The following TG variants were observed in gnomAD, a reference collection of about 807,000 sequenced individuals.
TG encodes the protein thyroid hormones.
In TG, 270 loss-of-function variants were observed where a neutral mutation model predicts 324.7. The ratio of observed to expected loss-of-function variants is 0.83; its 90% confidence interval spans 0.75 to 0.92. The LOEUF is 0.92. Ranked by LOEUF, TG falls within the 40% of genes least tolerant of loss-of-function variation. TG has a pLI of 0.00. For missense variants in TG, 3,591 were observed against 3,456.4 expected (o/e 1.04, Z -0.98); for synonymous variants, 1,401 against 1,327.0 (o/e 1.06, Z -1.21).
chr8:132,972,145 C>G (rs773737279), intron 33 of TG: 3 of 496,700 alleles, frequency 6.0e-6, no homozygotes, highest in Non-Finnish European at 1.1e-5. Context: ...TCTTTCAACA[C>G]TTAGGCCAAG....
At chr8:132,937,433 A>C in intron 25 of TG, among the ~76,000 whole-genome samples, 1 of 152,128 alleles carries the variant, frequency 6.6e-6, no homozygotes. Flanking sequence ...CCCACTTCAC[A>C]AAGAGTTTGC....
chr8:132,984,159 A>G (rs1831241605), intron 35 of TG, among the ~76,000 whole-genome samples: 1 of 152,256 alleles, frequency 6.6e-6, no homozygotes, highest in Non-Finnish European at 1.5e-5. Context: ...CAAGAGGCCA[A>G]GCGATGTTAA....
chr8:133,049,346 A>G (rs189211792), intron 41 of TG: 13 of 335,104 alleles, frequency 3.9e-5, no homozygotes, highest in Admixed American at 2.3e-4. Context: ...TAGAGCTAAT[A>G]TTTATCGAGT....
chr8:132,888,557 A>G lies in TG; in HGVS notation c.2750A>G (p.Lys917Arg). The G allele has an allele frequency of 6.2e-7, 1 of 1,611,302 alleles. No homozygotes were observed. The highest frequency in any genetic ancestry group is 8.5e-7 in the Non-Finnish European group (1 of 1,179,410). Reference sequence around the variant, plus strand: ...GAAGGAATGCGGTCTGAGCCAAGCAAGCTCCCAACATGTGAGCTAACGCAT... The same window carrying G: ...GAAGGAATGCGGTCTGAGCCAAGCAGGCTCCCAACATGTGAGCTAACGCAT... The part of the protein sequence containing the change: ...ELEGMRSEPS[K>R]LPTCPGSCEE... Residue 917 changes from lysine to arginine, a missense_variant, in exon 10 of 48, where the codon AAG becomes AGG. By Grantham distance (26) the Lys-to-Arg change is conservative. Coordinates refer to ENST00000220616, the MANE Select transcript of TG (RefSeq NM_003235.5).
chr8:133,066,316 A>G (rs1843028184), intron 41 of TG, among the ~76,000 whole-genome samples: 1 of 106,484 alleles, frequency 9.4e-6, no homozygotes, highest in Non-Finnish European at 1.8e-5. Context: ...ACAGAGCGAG[A>G]CTCTGTCTCA....
rs147008311 is a variant in TG, at chr8:132,902,770, G to A, written c.3634+1217G>A. On this transcript the variant is annotated intron_variant, in intron 16 of 47. Coordinates refer to ENST00000220616, the MANE Select transcript of TG (RefSeq NM_003235.5). Reference sequence around the variant, plus strand: ...TGCACTGAGACCCAGGACACAGACCGGTGTGGCCTCCTCCAGGAACAGGTC... The same window carrying A: ...TGCACTGAGACCCAGGACACAGACCAGTGTGGCCTCCTCCAGGAACAGGTC... Among the ~76,000 whole-genome samples the A allele has an allele frequency of 1.3e-3, 203 of 152,300 alleles. 1 individual carries two copies. Among genetic ancestry groups the A allele is most frequent in the African/African-American group, 4.4e-3 (182 of 41,572 alleles).
chr8:133,130,573 A>G (rs1851863537), intron 45 of TG, among the ~76,000 whole-genome samples: 1 of 152,088 alleles, frequency 6.6e-6, no homozygotes. Flanking sequence ...CAGCAGGAAA[A>G]CGGGGGCCTG....
intron 8 of TG, among the ~76,000 whole-genome samples, chr8:132,885,835 G>C (rs1416856072): frequency 6.6e-6 from 1 of 152,130 alleles, no homozygotes; most frequent in African/African-American, 2.4e-5. Flanking sequence ...ATTCTTCCTT[G>C]CCCCTTCCTG....
chr8:132,869,873 A>G, intron 3 of TG, 47 bp downstream of exon 3: 1 of 1,562,684 alleles, frequency 6.4e-7, no homozygotes, highest in South Asian at 1.1e-5. Flanking sequence ...TGCTAGGACA[A>G]CTCACTTCCA....
intron 29 of TG, among the ~76,000 whole-genome samples, chr8:132,964,109 G>A (rs1380141729): frequency 6.6e-6 from 1 of 152,002 alleles, no homozygotes; most frequent in Non-Finnish European, 1.5e-5. Context: ...CCTTTGAGGG[G>A]CAGCCACACA....
In TG at chr8:132,886,831, G is replaced by A; in HGVS notation, c.1459G>A (p.Gly487Arg). ...LVNVGQFNLS[G>R]ALGTRGTFNF... The stretch of plus-strand genomic sequence containing the variant: ...GAATGTTGGCCAGTTTAACTTGTCT[G>A]GAGCCCTTGGCACAAGAGGCACATT... The change falls in exon 9 of 48, where the codon GGA becomes AGA. Residue 487 changes from glycine (G) to arginine (R), a missense_variant. By Grantham distance (125) the Gly-to-Arg change is moderately radical. Coordinates refer to ENST00000220616, the MANE Select transcript of TG (RefSeq NM_003235.5). The A allele has an allele frequency of 6.2e-7, 1 of 1,614,170 alleles. No homozygotes were observed. The highest frequency in any genetic ancestry group is 8.5e-7 in the Non-Finnish European group (1 of 1,180,044).
chr8:133,058,524 G>A lies in TG; in HGVS notation c.7239+28501G>A, dbSNP rs1841872658. Among the ~76,000 whole-genome samples the A allele has an allele frequency of 2.6e-5, 4 of 152,250 alleles. No homozygotes were observed. The South Asian group carries it at 8.3e-4, about 31-fold the overall frequency. The stretch of plus-strand genomic sequence containing the variant: ...TGCTGCCCCCTCTGCCCCAGGCTGA[G>A]AGGTGACGACCCAAGATGGGTTCGG... On this transcript the variant is annotated intron_variant, in intron 41 of 47. Coordinates refer to ENST00000220616, the MANE Select transcript of TG (RefSeq NM_003235.5).
chr8:133,118,690 T>A (rs963861356), intron 45 of TG, among the ~76,000 whole-genome samples: 1 of 152,152 alleles, frequency 6.6e-6, no homozygotes, highest in Non-Finnish European at 1.5e-5. Flanking sequence ...AGGGTTGAAA[T>A]GGCCACCTCT....
intron 43 of TG, among the ~76,000 whole-genome samples, chr8:133,099,967 G>C (rs530797217): frequency 6.6e-6 from 1 of 152,218 alleles, no homozygotes; most frequent in Non-Finnish European, 1.5e-5. Context: ...TTATAAGTCA[G>C]ACCATTTTAC....
At chr8:133,001,964 G>C (rs1833554659) in intron 35 of TG, 1 of 985,328 alleles carries the variant, frequency 1.0e-6, no homozygotes, top group Non-Finnish European at 1.2e-6. Flanking sequence ...TTTTGATTGC[G>C]GGAAGAAGGG....
intron 43 of TG, among the ~76,000 whole-genome samples, chr8:133,104,146 C>T (rs1204643685): frequency 2.0e-5 from 3 of 152,026 alleles, no homozygotes; most frequent in Non-Finnish European, 4.4e-5. Flanking sequence ...TTGGGGGTCA[C>T]AGGGAGGTCA....
intron 41 of TG, among the ~76,000 whole-genome samples, chr8:133,089,252 G>A (rs752658269): frequency 7.2e-5 from 11 of 152,172 alleles, no homozygotes; most frequent in Non-Finnish European, 1.0e-4. Context: ...CTTCTGTTCC[G>A]CATATGGTGT....
rs531977192 is a variant in TG at position 132,896,073 on chromosome 8, G to A, written c.3002-1576G>A. 1.5e-4 allele frequency among the ~76,000 whole-genome samples: 23 copies of A among 152,374 alleles called. No individual in the cohort carries two copies. In the South Asian group the frequency reaches 4.8e-3, roughly 32 times the overall value. On this transcript the variant is annotated intron_variant, in intron 11 of 47. Transcript: ENST00000220616. ...CATGTCTGAGGGCCTAATGAGCGTG[G>A]CGAAGGCCATGGGAGGAAATGCACA...
chr8:133,022,823 C>T (rs1405961068), intron 40 of TG, among the ~76,000 whole-genome samples: 1 of 152,186 alleles, frequency 6.6e-6, no homozygotes, highest in Non-Finnish European at 1.5e-5. Context: ...GACAGAGTCA[C>T]TGACCTAGGA....
Sources: gnomAD v4.1 joint callset for allele counts (sites outside exome capture counted in the v4.1 genomes callset) on GRCh38, gnomAD v4.1.1 for gene constraint, MANE v1.5 for transcripts, NCBI Gene and HGNC (gene_info 2026-07-23, HGNC 2026-07-21) for gene names.